KIF6: variants seen among roughly 807,000 people sequenced by gnomAD.
KIF6 encodes the protein kinesin family member 6, also known as kinesin-like protein KIF6.
In KIF6, 106 loss-of-function variants were observed where a neutral mutation model predicts 112.7. The observed-to-expected ratio is 0.94, with a 90% confidence interval of 0.80 to 1.11. The LOEUF (loss-of-function observed/expected upper bound fraction) is 1.11. Ranked by LOEUF, KIF6 falls within the 50% of genes least tolerant of loss-of-function variation. The pLI is 0.00. For missense variants in KIF6, 929 were observed against 964.0 expected (o/e 0.96, Z 0.48); for synonymous variants, 339 against 339.9 (o/e 1.00, Z 0.03).
chr6:39,622,076 AG>A (rs1783853009), intron 5 of KIF6, among the ~76,000 whole-genome samples: 1 of 151,920 alleles, frequency 6.6e-6, no homozygotes, highest in African/African-American at 2.4e-5. Context: ...CTGAGGCAGG[AG>A]AATGGCTTGA....
At chr6:39,464,065 T>C (rs944418946) in intron 13 of KIF6, among the ~76,000 whole-genome samples, 3 of 152,210 alleles carry the variant, frequency 2.0e-5, no homozygotes, top group Non-Finnish European at 2.9e-5. Flanking sequence ...TGTGTTATGG[T>C]CTGATAGACT....
At chr6:39,480,279 C>A (rs1161847116) in intron 13 of KIF6, among the ~76,000 whole-genome samples, 1 of 152,098 alleles carries the variant, frequency 6.6e-6, no homozygotes. Flanking sequence ...TGGATTTTGT[C>A]AAATGCTTTT....
chr6:39,639,854 TA>T lies in KIF6; in HGVS notation c.252-98del, dbSNP rs545629549. ...TAATAACAATCTTATTAAACACTATTAAAAAAACTTTATAGAAATATCTATT... is the reference window on the plus strand; with the variant it reads ...TAATAACAATCTTATTAAACACTATTAAAAAACTTTATAGAAATATCTATT... On this transcript the variant is annotated intron_variant, in intron 3 of 22. Transcript: ENST00000287152. 1.2e-3 allele frequency: 1,199 copies of T among 1,042,356 alleles called. 3 individuals are homozygous for T. Among genetic ancestry groups the T allele is most frequent in the Middle Eastern group, 1.8e-3 (8 of 4,486 alleles). 64.6% of individuals were successfully genotyped at this position (1,042,356 alleles called of 1,614,324 possible). A position where few individuals can be genotyped will look rare whatever the true frequency, so the allele number is the denominator to read the frequency against.
chr6:39,346,094 TCTCCCTCCCC>T (rs1763738962), intron 20 of KIF6, among the ~76,000 whole-genome samples: 2 of 3,438 alleles, frequency 5.8e-4, no homozygotes, highest in Non-Finnish European at 1.1e-3. Flanking sequence ...CTCCCCCCCC[TCTCCCTCCCC>T]CCCTCCCTCT....
At chr6:39,597,297 C>T (rs1452316981) in intron 6 of KIF6, among the ~76,000 whole-genome samples, 1 of 151,904 alleles carries the variant, frequency 6.6e-6, no homozygotes. Flanking sequence ...TAAAGTTGCT[C>T]CATCAAAAAA....
chr6:39,581,480 T>G (rs999774406), intron 9 of KIF6, among the ~76,000 whole-genome samples: 5 of 152,000 alleles, frequency 3.3e-5, no homozygotes, highest in African/African-American at 1.2e-4. Context: ...TCTAACTTCT[T>G]TTGCTTGGGG....
chr6:39,348,894 C>T (rs1293020294), intron 19 of KIF6, among the ~76,000 whole-genome samples: 1 of 152,242 alleles, frequency 6.6e-6, no homozygotes, highest in Non-Finnish European at 1.5e-5. Context: ...CTCGCTCTCT[C>T]ACCCTGGCGG....
chr6:39,591,651 T>TG (rs1029183618), intron 7 of KIF6, among the ~76,000 whole-genome samples: 8 of 152,142 alleles, frequency 5.3e-5, no homozygotes, highest in Admixed American at 3.3e-4. Context: ...AGGAATACTA[T>TG]AAGCCCAGCC....
intron 13 of KIF6, among the ~76,000 whole-genome samples, chr6:39,507,370 A>G (rs1183936134): frequency 6.6e-6 from 1 of 152,128 alleles, no homozygotes; most frequent in African/African-American, 2.4e-5. Flanking sequence ...TTTTTCTTTT[A>G]GGATAGAAGG....
chr6:39,567,770 G>A (rs1780384330), intron 10 of KIF6, among the ~76,000 whole-genome samples: 2 of 152,118 alleles, frequency 1.3e-5, no homozygotes, highest in African/African-American at 4.8e-5. Flanking sequence ...ACCGCGCCTG[G>A]CTAATTTTTT....
chr6:39,665,855 CTGTGCTGTGCTTCTTTGT>C (rs1249869070), intron 3 of KIF6, among the ~76,000 whole-genome samples: 2 of 152,106 alleles, frequency 1.3e-5, no homozygotes, highest in Non-Finnish European at 2.9e-5. Flanking sequence ...TTCCCATTTT[CTGTGCTGTGCTTCTTTGT>C]TGTTTTGGGT....
intron 13 of KIF6, among the ~76,000 whole-genome samples, chr6:39,463,250 T>A (rs1054000848): frequency 6.6e-6 from 1 of 152,190 alleles, no homozygotes; most frequent in Non-Finnish European, 1.5e-5. Flanking sequence ...TTTATCTCAC[T>A]TCCACAGTGT....
chr6:39,453,804 C>T (rs1171402097), intron 13 of KIF6, among the ~76,000 whole-genome samples: 1 of 152,190 alleles, frequency 6.6e-6, no homozygotes, highest in Non-Finnish European at 1.5e-5. Flanking sequence ...CTCTTGGCCT[C>T]TCTGAGGTAT....
At chr6:39,492,492 A>G (rs1205341676) in intron 13 of KIF6, among the ~76,000 whole-genome samples, 1 of 152,202 alleles carries the variant, frequency 6.6e-6, no homozygotes, top group Non-Finnish European at 1.5e-5. Flanking sequence ...AACACAAGGG[A>G]TGCCCCAAAG....
At chr6:39,676,604 T>C (rs1193399748) in intron 3 of KIF6, among the ~76,000 whole-genome samples, 2 of 151,974 alleles carry the variant, frequency 1.3e-5, no homozygotes, top group Non-Finnish European at 2.9e-5. Context: ...AAAAACAAGA[T>C]AGAATTAAAA....
intron 3 of KIF6, among the ~76,000 whole-genome samples, chr6:39,656,388 A>T (rs181761038): frequency 2.6e-4 from 39 of 152,268 alleles, no homozygotes; most frequent in Admixed American, 2.4e-3. Flanking sequence ...TGTCCCTCAA[A>T]TTCATCCTCT....
At chr6:39,476,158 T>C (rs560705131) in intron 13 of KIF6, among the ~76,000 whole-genome samples, 14 of 151,422 alleles carry the variant, frequency 9.2e-5, no homozygotes, top group African/African-American at 2.9e-4. Context: ...TGTTTACTTA[T>C]GTAACAAACC....
intron 10 of KIF6, among the ~76,000 whole-genome samples, chr6:39,548,751 G>A (rs1010139030): frequency 6.6e-6 from 1 of 152,262 alleles, no homozygotes; most frequent in South Asian, 2.1e-4. Context: ...CCTCTAAGGG[G>A]TCTCCCAGCT....
chr6:39,551,113 G>C (rs1582114143), intron 10 of KIF6, among the ~76,000 whole-genome samples: 1 of 152,320 alleles, frequency 6.6e-6, no homozygotes, highest in Non-Finnish European at 1.5e-5. Flanking sequence ...ATACCCAGTA[G>C]TCGGATTGCT....
Sources: allele counts gnomAD v4.1 joint callset (sites outside exome capture counted in the v4.1 genomes callset), GRCh38; gene constraint gnomAD v4.1.1; transcripts MANE v1.5; gene names NCBI Gene and HGNC (gene_info 2026-07-23, HGNC 2026-07-21).